PTH2R: variants seen among roughly 807,000 people sequenced by gnomAD.
PTH2R encodes the protein parathyroid hormone 2 receptor.
Under a neutral mutation model 60.3 loss-of-function variants are expected in PTH2R, and 59 were observed. That is an observed-to-expected ratio of 0.98 (90% CI 0.79 to 1.22). The LOEUF (loss-of-function observed/expected upper bound fraction) is 1.22, where lower values mean the gene tolerates loss of function less well. Ranked by LOEUF, PTH2R falls within the 50% of genes most tolerant of loss-of-function variation. The pLI, the probability that PTH2R is intolerant of heterozygous loss-of-function variation, is 0.00. For synonymous variants in PTH2R, 256 were observed against 243.8 expected (o/e 1.05, Z -0.47); for missense variants, 749 against 682.6 (o/e 1.10, Z -1.08).
chr2:208,460,318 G>A (rs1702609193), intron 9 of PTH2R, among the ~76,000 whole-genome samples: 3 of 152,080 alleles, frequency 2.0e-5, no homozygotes, highest in Admixed American at 2.0e-4. Context: ...AGTGTGACAG[G>A]GAGGAAAAGG....
intron 5 of PTH2R, 52 bp downstream of exon 5, chr2:208,442,513 C>G: frequency 7.5e-7 from 1 of 1,340,306 alleles, no homozygotes; most frequent in Non-Finnish European, 1.1e-6. Flanking sequence ...TCTTTCCTAT[C>G]CAGAGAAGAC....
At chr2:208,480,521 T>G (rs1357698827) in intron 9 of PTH2R, among the ~76,000 whole-genome samples, 1 of 152,176 alleles carries the variant, frequency 6.6e-6, no homozygotes, top group African/African-American at 2.4e-5. Flanking sequence ...TCTCTAATGG[T>G]ATTCACACTT....
intron 4 of PTH2R, among the ~76,000 whole-genome samples, chr2:208,441,046 C>T (rs1424884883): frequency 6.6e-6 from 1 of 152,186 alleles, no homozygotes; most frequent in Non-Finnish European, 1.5e-5. Flanking sequence ...GACAAATCCC[C>T]TAGAGATGCA....
chr2:208,437,684 A>G (rs978265592), intron 3 of PTH2R, 37 bp downstream of exon 3: 3 of 1,602,166 alleles, frequency 1.9e-6, no homozygotes, highest in Non-Finnish European at 2.6e-6. Flanking sequence ...TTTAAAACAA[A>G]CATTTACTTG....
In PTH2R at chr2:208,444,903, C is replaced by T. The variant is rs1702259759; in HGVS notation, c.853+16C>T. The T allele has an allele frequency of 6.2e-7, 1 of 1,603,868 alleles. No individual in the cohort carries two copies. The highest frequency in any genetic ancestry group is 8.5e-7 in the Non-Finnish European group (1 of 1,174,978). ...ATAGGCTGGGGTAAGACATTTATAT[C>T]TCTGTTCCTTTCAAACTGGATGATG... On this transcript the variant is annotated intron_variant, in intron 7 of 12. Coordinates refer to ENST00000272847, the MANE Select transcript of PTH2R (RefSeq NM_005048.4).
At chr2:208,371,948 G>C (rs1426405843) in intron 1 of PTH2R, among the ~76,000 whole-genome samples, 1 of 152,020 alleles carries the variant, frequency 6.6e-6, no homozygotes, top group Non-Finnish European at 1.5e-5. Context: ...TTGAGATGGA[G>C]TCTCACTCTG....
At chr2:208,441,436 T>A (rs571613550) in intron 4 of PTH2R, among the ~76,000 whole-genome samples, 32 of 152,296 alleles carry the variant, frequency 2.1e-4, no homozygotes, top group Middle Eastern at 3.4e-3. Flanking sequence ...TTGGCCCTTT[T>A]ATGGAGGCTT....
chr2:208,471,965 T>C (rs1267229758), intron 9 of PTH2R, among the ~76,000 whole-genome samples: 3 of 152,248 alleles, frequency 2.0e-5, no homozygotes, highest in Non-Finnish European at 2.9e-5. Context: ...ATTTTGGAGC[T>C]TTAAAATTTG....
At chr2:208,406,245 TA>T (rs925708601), upstream of PTH2R, among the ~76,000 whole-genome samples, 3 of 150,644 alleles carry the variant, frequency 2.0e-5, no homozygotes, top group African/African-American at 2.4e-5. Context: ...AAAAATAAAC[TA>T]AAAAAAAAGA....
At chr2:208,415,475 T>C (rs184508136) in intron 1 of PTH2R, among the ~76,000 whole-genome samples, 86 of 152,330 alleles carry the variant, frequency 5.6e-4, no homozygotes, top group Non-Finnish European at 9.7e-4. Context: ...TTTCAAGTGC[T>C]ACATGTATTG....
At chr2:208,435,346 A>G (rs1473405338) in intron 2 of PTH2R, among the ~76,000 whole-genome samples, 1 of 152,168 alleles carries the variant, frequency 6.6e-6, no homozygotes, top group Non-Finnish European at 1.5e-5. Flanking sequence ...GTGCCTGTGT[A>G]TGCTGTGTCA....
chr2:208,432,561 T>C (rs1348470123), intron 2 of PTH2R, among the ~76,000 whole-genome samples: 6 of 152,150 alleles, frequency 3.9e-5, no homozygotes, highest in African/African-American at 1.4e-4. Context: ...AAAGGGAGTT[T>C]ATTAGAAAGA....
At chr2:208,403,930 A>G (rs1467746947), upstream of PTH2R, among the ~76,000 whole-genome samples, 1 of 152,196 alleles carries the variant, frequency 6.6e-6, no homozygotes, top group Non-Finnish European at 1.5e-5. Flanking sequence ...GAAGTCCTAG[A>G]GCCTAGAAGT....
intron 7 of PTH2R, among the ~76,000 whole-genome samples, chr2:208,445,497 CAACAT>C (rs1340009590): frequency 6.6e-6 from 1 of 152,088 alleles, no homozygotes; most frequent in Non-Finnish European, 1.5e-5. Flanking sequence ...GACACTGACT[CAACAT>C]GACATGGAGA....
intron 10 of PTH2R, among the ~76,000 whole-genome samples, chr2:208,481,706 G>T (rs976719439): frequency 1.3e-5 from 2 of 152,152 alleles, no homozygotes; most frequent in African/African-American, 4.8e-5. Context: ...AGCAGATTGG[G>T]ATGTTCTCAT....
At chr2:208,410,762 TTG>T (rs10688062) in intron 1 of PTH2R, among the ~76,000 whole-genome samples, 20 of 150,672 alleles carry the variant, frequency 1.3e-4, no homozygotes, top group African/African-American at 3.2e-4. Flanking sequence ...AGATAAAAGA[TTG>T]TGTGTGTGTG....
intron 7 of PTH2R, among the ~76,000 whole-genome samples, chr2:208,445,961 C>T (rs1702280671): frequency 6.6e-6 from 1 of 151,976 alleles, no homozygotes. Flanking sequence ...TAATATTTTG[C>T]TTTTTTAGGA....
intron 1 of PTH2R, among the ~76,000 whole-genome samples, chr2:208,370,441 T>C (rs1392424606): frequency 2.6e-5 from 1 of 38,944 alleles, no homozygotes; most frequent in Non-Finnish European, 4.1e-5. Context: ...AGACTCCGTC[T>C]CAAAAAAAAA....
intron 1 of PTH2R, among the ~76,000 whole-genome samples, chr2:208,427,895 A>AT (rs1399404952): frequency 6.6e-6 from 1 of 150,748 alleles, no homozygotes; most frequent in African/African-American, 2.4e-5. Context: ...TATTTTAAAT[A>AT]TTTTTTCTTA....
Sources: gnomAD v4.1 joint callset for allele counts (sites outside exome capture counted in the v4.1 genomes callset) on GRCh38, gnomAD v4.1.1 for gene constraint, MANE v1.5 for transcripts, NCBI Gene and HGNC (gene_info 2026-07-23, HGNC 2026-07-21) for gene names.